ZFYVE19: variants seen among roughly 807,000 people sequenced by gnomAD.
The protein encoded by ZFYVE19 is zinc finger FYVE-type containing 19.
ZFYVE19 carries 49 observed loss-of-function variants against 62.8 expected under a neutral mutation model. That is an observed-to-expected ratio of 0.78 (90% CI 0.62 to 0.99). The LOEUF is 0.99. Among genes scored for constraint, ZFYVE19 ranks in the 50% least tolerant of loss-of-function variants. The probability of loss-of-function intolerance (pLI) is 0.00; values close to 1 mark genes in which losing one functional copy is unlikely to be tolerated. For synonymous variants in ZFYVE19, 242 were observed against 234.3 expected, an observed-to-expected ratio of 1.03 and a Z score of -0.30; for missense variants, 630 against 601.9, an observed-to-expected ratio of 1.05 and a Z score of -0.49.
chr15:40,813,909 CCTTA>C, intron 9 of ZFYVE19, 30 bp from the exon 10 acceptor site: 2 of 1,592,200 alleles, frequency 1.3e-6, no homozygotes, highest in Non-Finnish European at 8.6e-7. Context: ...CCACTGGGTA[CCTTA>C]CTTCCTCCAT....
rs373968674 is a variant in ZFYVE19 at position 40,807,404 on chromosome 15, G to T, written c.-186G>T. The T allele has an allele frequency of 7.4e-6, 12 of 1,614,260 alleles. No individual in the cohort carries two copies. Among genetic ancestry groups the T allele is most frequent in the Admixed American group, 3.3e-5 (2 of 60,028 alleles). ...GCTGCCTTCTCCTCAATGCCTAGCA[G>T]CGCGTACAGGTCCATCTGTAAGAGC... On this transcript the variant is annotated 5_prime_UTR_variant, in exon 1 of 11. Transcript: ENST00000355341.
In ZFYVE19 at chr15:40,813,423, C is replaced by T. The variant is rs758334664; in HGVS notation, c.1110+6C>T. The T allele has an allele frequency of 6.3e-7, 1 of 1,595,686 alleles. No individual in the cohort carries two copies. The highest frequency in any genetic ancestry group is 1.1e-5 in the South Asian group (1 of 88,342). Reference sequence around the variant, plus strand: ...TCCAAAGAGTCCTGCAGCAGGTGGGCCTGGATTACCCACCTGCCACCCCTT... The same window carrying T: ...TCCAAAGAGTCCTGCAGCAGGTGGGTCTGGATTACCCACCTGCCACCCCTT... On this transcript the variant is annotated splice_donor_region_variant and intron_variant, in intron 8 of 10. Coordinates refer to ENST00000355341, the MANE Select transcript of ZFYVE19 (RefSeq NM_001077268.2).
chr15:40,814,097 G>A (rs572647504), intron 10 of ZFYVE19, 27 bp downstream of exon 10: 17 of 1,614,072 alleles, frequency 1.1e-5, no homozygotes, highest in African/African-American at 2.7e-5. Flanking sequence ...TGTTCTGTGC[G>A]AGAGCTCAAG....
chr15:40,807,448 G>C lies in ZFYVE19; in HGVS notation c.-142G>C. 6.2e-7 allele frequency: 1 copy of C among 1,614,242 alleles called. No homozygotes were observed. Among genetic ancestry groups the C allele is most frequent in the African/African-American group, 1.3e-5 (1 of 75,068 alleles). On this transcript the variant is annotated 5_prime_UTR_variant, in exon 1 of 11. Transcript: ENST00000355341. ...TAAGAGCTCCTTGGTCACTGCCATG[G>C]TTCCGGCCTGACGGATTCGTACTAC...
At position 40,807,428 on chromosome 15, in the gene ZFYVE19, G is replaced by C. The variant is rs750779761; in HGVS notation, c.-162G>C. ...AGCGCGTACAGGTCCATCTGTAAGA[G>C]CTCCTTGGTCACTGCCATGGTTCCG... On this transcript the variant is annotated 5_prime_UTR_variant, in exon 1 of 11. Coordinates refer to ENST00000355341, the MANE Select transcript of ZFYVE19 (RefSeq NM_001077268.2). The C allele has an allele frequency of 6.2e-7, 1 of 1,614,256 alleles. No homozygotes were observed. Among genetic ancestry groups the C allele is most frequent in the Non-Finnish European group, 8.5e-7 (1 of 1,180,036 alleles).
Position 40,813,303 on chromosome 15 carries a change from C to T in ZFYVE19, c.1031-35C>T, listed in dbSNP as rs778677590. On this transcript the variant is annotated intron_variant, in intron 7 of 10. Coordinates refer to ENST00000355341, the MANE Select transcript of ZFYVE19 (RefSeq NM_001077268.2). ...TCATGTGAAATCTCTCACTCTCACT[C>T]CCCCATCCCCTGTTCCCATGTCTCC... 2.6e-5 allele frequency: 42 copies of T among 1,598,626 alleles called. No individual in the cohort carries two copies. The Admixed American group carries it at 6.9e-4, about 26-fold the overall frequency.
intron 5 of ZFYVE19, 91 bp from the exon 6 acceptor site, chr15:40,810,558 C>A: frequency 6.6e-7 from 1 of 1,509,396 alleles, no homozygotes. Context: ...TCTCCTTTCC[C>A]TGGGCTTTGA....
chr15:40,813,245 C>G, intron 7 of ZFYVE19, 93 bp from the exon 8 acceptor site: 1 of 1,281,064 alleles, frequency 7.8e-7, no homozygotes, highest in Non-Finnish European at 1.1e-6. Flanking sequence ...CCCTGGGAAC[C>G]GAACCAGTTC....
chr15:40,810,660 A>G lies in ZFYVE19; in HGVS notation c.729A>G (p.Thr243=). 4.5e-6 allele frequency: 7 copies of G among 1,568,960 alleles called. No individual in the cohort carries two copies. Among genetic ancestry groups the G allele is most frequent in the South Asian group, 2.4e-5 (2 of 85,062 alleles). Residue 243 remains threonine (T), a synonymous_variant, in exon 6 of 11, where the codon ACA becomes ACG. Transcript: ENST00000355341. ...PSQTPQPAHH[T]PDTRTQAQQT... ...CCTCGTCTGTGCAGGCACATCACAC[A>G]CCGGACACCAGGACCCAAGCCCAGC...
At chr15:40,812,428 C>G (rs1358205203) in intron 6 of ZFYVE19, among the ~76,000 whole-genome samples, 1 of 151,762 alleles carries the variant, frequency 6.6e-6, no homozygotes, top group African/African-American at 2.4e-5. Context: ...TGCCTGTAAT[C>G]CCAGTTACTC....
intron 6 of ZFYVE19, 86 bp downstream of exon 6, chr15:40,810,843 G>T: frequency 6.7e-7 from 1 of 1,495,648 alleles, no homozygotes. Flanking sequence ...TCTGGGAGAT[G>T]AATATAAATC....
chr15:40,813,006 C>A, intron 7 of ZFYVE19, 104 bp downstream of exon 7: 2 of 1,317,102 alleles, frequency 1.5e-6, no homozygotes, highest in Non-Finnish European at 2.1e-6. Context: ...ATCTACTGAG[C>A]CCAGCCCAGA....
rs1320295415 is a variant in ZFYVE19, at chr15:40,814,716, C to T, written c.*490C>T. 5.6e-6 allele frequency: 1 copy of T among 177,158 alleles called. No homozygotes were observed. The highest frequency in any genetic ancestry group is 2.4e-5 in the African/African-American group (1 of 41,962). 11.0% of individuals were successfully genotyped at this position (177,158 alleles called of 1,614,324 possible). A position where few individuals can be genotyped will look rare whatever the true frequency, so the allele number is the denominator to read the frequency against. Reference sequence around the variant, plus strand: ...TCCAGGCAGGAACAGCCCTACCCATCCTGGTGGCCTCATACGAAGTAAACA... The same window carrying T: ...TCCAGGCAGGAACAGCCCTACCCATTCTGGTGGCCTCATACGAAGTAAACA... On this transcript the variant is annotated 3_prime_UTR_variant, in exon 11 of 11. Transcript: ENST00000355341.
intron 8 of ZFYVE19, 59 bp downstream of exon 8, chr15:40,813,476 T>A: frequency 6.7e-7 from 1 of 1,489,110 alleles, no homozygotes; most frequent in Non-Finnish European, 9.2e-7. Flanking sequence ...TTGCCCCACC[T>A]CTACTCTGGG....
intron 7 of ZFYVE19, 103 bp from the exon 8 acceptor site, chr15:40,813,235 C>G (rs986354070): frequency 2.7e-6 from 3 of 1,130,090 alleles, no homozygotes; most frequent in Admixed American, 2.1e-5. Flanking sequence ...GAATAAGTGC[C>G]CCTGGGAACC....
intron 1 of ZFYVE19, chr15:40,808,469 C>T: frequency 6.6e-7 from 1 of 1,525,448 alleles, no homozygotes; most frequent in South Asian, 1.2e-5. Flanking sequence ...GAAGGCAGGA[C>T]CGTGCAGCAT....
chr15:40,807,318 G>A lies in ZFYVE19; in HGVS notation c.-272G>A. The A allele has an allele frequency of 1.2e-6, 2 of 1,614,154 alleles. No individual in the cohort carries two copies. The highest frequency in any genetic ancestry group is 1.7e-6 in the Non-Finnish European group (2 of 1,179,988). On this transcript the variant is annotated 5_prime_UTR_variant, in exon 1 of 11. Coordinates refer to ENST00000355341, the MANE Select transcript of ZFYVE19 (RefSeq NM_001077268.2). ...CAGCAGTGGCCGAGGCGCTAGGACAGGAAGGACCGCCAGACCTCTCAAGAT... is the reference window on the plus strand; with the variant it reads ...CAGCAGTGGCCGAGGCGCTAGGACAAGAAGGACCGCCAGACCTCTCAAGAT...
intron 1 of ZFYVE19, 124 bp from the exon 2 acceptor site, chr15:40,808,993 CCT>C (rs1890381952): frequency 1.4e-6 from 2 of 1,450,814 alleles, no homozygotes; most frequent in African/African-American, 2.8e-5. Context: ...GGGCCCCACT[CCT>C]CTTCTTCCTC....
chr15:40,807,561 C>G lies in ZFYVE19; in HGVS notation c.-29C>G. ...GAATTGTGTTCTGGGTCAGGCTTGACTGACTCTGAGGGAGGCCGGCAGTCG... is the reference window on the plus strand; with the variant it reads ...GAATTGTGTTCTGGGTCAGGCTTGAGTGACTCTGAGGGAGGCCGGCAGTCG... On this transcript the variant is annotated 5_prime_UTR_variant, in exon 1 of 11. Coordinates refer to ENST00000355341, the MANE Select transcript of ZFYVE19 (RefSeq NM_001077268.2). 6.2e-7 allele frequency: 1 copy of G among 1,606,972 alleles called. No homozygotes were observed. Among genetic ancestry groups the G allele is most frequent in the Admixed American group, 1.7e-5 (1 of 59,430 alleles).
Sources: gnomAD v4.1 joint callset for allele counts (sites outside exome capture counted in the v4.1 genomes callset) on GRCh38, gnomAD v4.1.1 for gene constraint, MANE v1.5 for transcripts, NCBI Gene and HGNC (gene_info 2026-07-23, HGNC 2026-07-21) for gene names.